The following SH3RF3 variants were observed in gnomAD, a reference collection of about 807,000 sequenced individuals.
The protein encoded by SH3RF3 is SH3 domain containing ring finger 3.
Under a neutral mutation model 66.3 loss-of-function variants are expected in SH3RF3, and 29 were observed. The observed-to-expected ratio is 0.44, with a 90% CI of 0.33 to 0.60. SH3RF3 has a LOEUF of 0.60. Ranked by LOEUF, SH3RF3 falls within the 20% of genes least tolerant of loss-of-function variation. The pLI, the probability that SH3RF3 is intolerant of heterozygous loss-of-function variation, is 0.04. For missense variants in SH3RF3, 1,194 were observed against 1,190.9 expected (o/e 1.00, Z -0.04); for synonymous variants, 583 against 532.0 (o/e 1.10, Z -1.32).
chr2:109,406,530 C>T (rs1304930784), intron 4 of SH3RF3, among the ~76,000 whole-genome samples: 2 of 152,146 alleles, frequency 1.3e-5, no homozygotes, highest in African/African-American at 4.8e-5. Flanking sequence ...CTCTACCATC[C>T]TCACCTGGGA....
In SH3RF3 at chr2:109,416,359, C is replaced by G. The variant is rs994499596; in HGVS notation, c.1300-3180C>G. Among the ~76,000 whole-genome samples the G allele has an allele frequency of 2.6e-5, 4 of 152,012 alleles. No homozygotes were observed. The East Asian group carries it at 7.9e-4, about 30-fold the overall frequency. ...CCTGTAATCCCAGCACTTTGGGAGG[C>G]TGAGGAGGGCAGATCACCTGAGGTC... On this transcript the variant is annotated intron_variant, in intron 4 of 9. Transcript: ENST00000309415.
At chr2:109,483,060 C>G (rs1385692849) in intron 8 of SH3RF3, among the ~76,000 whole-genome samples, 1 of 152,114 alleles carries the variant, frequency 6.6e-6, no homozygotes, top group East Asian at 1.9e-4. Flanking sequence ...CCTCTGCCCT[C>G]TCTAAAAATG....
intron 1 of SH3RF3, among the ~76,000 whole-genome samples, chr2:109,283,186 G>T (rs1007098963): frequency 6.6e-6 from 1 of 152,184 alleles, no homozygotes; most frequent in Admixed American, 6.5e-5. Flanking sequence ...GAGGTGCCTG[G>T]AGCATGCCTC....
At chr2:109,238,116 C>T (rs1197863261) in intron 1 of SH3RF3, among the ~76,000 whole-genome samples, 1 of 152,158 alleles carries the variant, frequency 6.6e-6, no homozygotes, top group East Asian at 1.9e-4. Context: ...AGGAGCATTT[C>T]TTGAGCCTTG....
chr2:109,263,861 C>A (rs933836572), intron 1 of SH3RF3, among the ~76,000 whole-genome samples: 2 of 152,092 alleles, frequency 1.3e-5, no homozygotes, highest in Admixed American at 1.3e-4. Context: ...CCCAGCTGCT[C>A]GGGAGGCTGA....
chr2:109,179,526 G>A lies in SH3RF3; in HGVS notation c.573+49413G>A, dbSNP rs561031133. Among the ~76,000 whole-genome samples the A allele has an allele frequency of 6.6e-5, 10 of 152,268 alleles. No homozygotes were observed. In the South Asian group the frequency reaches 2.1e-3, roughly 32 times the overall value. On this transcript the variant is annotated intron_variant, in intron 1 of 9. Coordinates refer to ENST00000309415, the MANE Select transcript of SH3RF3 (RefSeq NM_001099289.3). ...AGTGGGTAACTTATAAAGAAAACAGGTTTCATGAGCTCACAGTTCTGGAGA... is the reference window on the plus strand; with the variant it reads ...AGTGGGTAACTTATAAAGAAAACAGATTTCATGAGCTCACAGTTCTGGAGA...
At chr2:109,495,317 G>A (rs2104397881) in intron 9 of SH3RF3, among the ~76,000 whole-genome samples, 1 of 152,256 alleles carries the variant, frequency 6.6e-6, no homozygotes, top group African/African-American at 2.4e-5. Context: ...CTGGTGCAGG[G>A]CCAGGCAAGC....
At chr2:109,187,273 C>A (rs1341140699) in intron 1 of SH3RF3, among the ~76,000 whole-genome samples, 1 of 152,102 alleles carries the variant, frequency 6.6e-6, no homozygotes, top group Non-Finnish European at 1.5e-5. Flanking sequence ...TTAAAAAACT[C>A]TTCGATCTGA....
intron 1 of SH3RF3, among the ~76,000 whole-genome samples, chr2:109,305,122 T>A (rs1346634392): frequency 6.6e-6 from 1 of 152,176 alleles, no homozygotes; most frequent in East Asian, 1.9e-4. Flanking sequence ...ATTATTCTGA[T>A]AATATTAATC....
intron 1 of SH3RF3, chr2:109,251,382 T>C (rs888784861): frequency 9.0e-6 from 6 of 666,262 alleles, no homozygotes; most frequent in Non-Finnish European, 1.7e-5. Flanking sequence ...AGTCTGTGCA[T>C]TCCTTTCCAA....
chr2:109,495,128 G>C (rs1679225406), intron 9 of SH3RF3, among the ~76,000 whole-genome samples: 1 of 152,222 alleles, frequency 6.6e-6, no homozygotes, highest in Non-Finnish European at 1.5e-5. Flanking sequence ...CTCATCTTTA[G>C]GTGTCTGGCA....
chr2:109,170,530 G>A (rs186450089), intron 1 of SH3RF3, among the ~76,000 whole-genome samples: 100 of 152,070 alleles, frequency 6.6e-4, no homozygotes, highest in African/African-American at 2.3e-3. Flanking sequence ...ATTTTTAGTA[G>A]AGATGGGGTT....
At chr2:109,430,993 G>A (rs763485346) in intron 5 of SH3RF3, among the ~76,000 whole-genome samples, 6 of 152,226 alleles carry the variant, frequency 3.9e-5, no homozygotes, top group South Asian at 2.1e-4. Context: ...TAGGATGTTC[G>A]AAAAGGGGGG....
chr2:109,152,525 A>C (rs1300506318), intron 1 of SH3RF3, among the ~76,000 whole-genome samples: 5 of 152,244 alleles, frequency 3.3e-5, no homozygotes, highest in Non-Finnish European at 2.9e-5. Context: ...TACTGGAAAC[A>C]ACGAAGTGTT....
chr2:109,323,220 A>G (rs1166887865), intron 1 of SH3RF3, among the ~76,000 whole-genome samples: 2 of 152,192 alleles, frequency 1.3e-5, no homozygotes, highest in East Asian at 3.8e-4. Context: ...GGGGGCCATC[A>G]GGACCCTCTG....
intron 1 of SH3RF3, among the ~76,000 whole-genome samples, chr2:109,261,880 GCT>G (rs1680363853): frequency 6.6e-6 from 1 of 151,990 alleles, no homozygotes. Context: ...TATTAATTGG[GCT>G]CTCTGCTGAT....
intron 1 of SH3RF3, among the ~76,000 whole-genome samples, chr2:109,135,792 G>T (rs958312423): frequency 1.3e-5 from 2 of 152,126 alleles, no homozygotes; most frequent in African/African-American, 4.8e-5. Flanking sequence ...GCTTGAGTCT[G>T]TTGGTTTCCT....
chr2:109,181,135 C>G (rs1273412152), intron 1 of SH3RF3, among the ~76,000 whole-genome samples: 1 of 152,174 alleles, frequency 6.6e-6, no homozygotes, highest in Non-Finnish European at 1.5e-5. Flanking sequence ...GAAGGTCCTT[C>G]CAGCTCGTCT....
At chr2:109,493,271 C>G (rs1175473993) in intron 9 of SH3RF3, among the ~76,000 whole-genome samples, 1 of 144,722 alleles carries the variant, frequency 6.9e-6, no homozygotes, top group Non-Finnish European at 1.5e-5. Flanking sequence ...ACACACACCC[C>G]ACGTACACCA....
Sources: gnomAD v4.1 joint callset for allele counts (sites outside exome capture counted in the v4.1 genomes callset) on GRCh38, gnomAD v4.1.1 for gene constraint, MANE v1.5 for transcripts, NCBI Gene and HGNC (gene_info 2026-07-23, HGNC 2026-07-21) for gene names.